ATR: variants seen among roughly 807,000 people sequenced by gnomAD.
ATR encodes the protein ATR checkpoint kinase.
Under a neutral mutation model 305.3 loss-of-function variants are expected in ATR, and 142 were observed. The observed-to-expected ratio is 0.47, with a 90% confidence interval of 0.41 to 0.53. The LOEUF (loss-of-function observed/expected upper bound fraction) is 0.53. Ranked by LOEUF, ATR falls within the 20% of genes least tolerant of loss-of-function variation. The probability of loss-of-function intolerance (pLI) is 0.00; values close to 1 mark genes in which losing one functional copy is unlikely to be tolerated. For missense variants in ATR, 2,135 were observed against 3,133.1 expected (o/e 0.68, Z 7.60); for synonymous variants, 1,050 against 1,068.1 (o/e 0.98, Z 0.33).
intron 1 of ATR, among the ~76,000 whole-genome samples, chr3:142,572,676 G>A (rs2035313493): frequency 6.6e-6 from 1 of 152,034 alleles, no homozygotes; most frequent in South Asian, 2.1e-4. Flanking sequence ...TCAGGAGGCT[G>A]AGGTGGGAGG....
intron 10 of ATR, among the ~76,000 whole-genome samples, chr3:142,554,290 G>A (rs796985614): frequency 3.3e-5 from 5 of 151,790 alleles, no homozygotes; most frequent in African/African-American, 1.2e-4. Context: ...GCATGATCAC[G>A]GCTCACTGCA....
intron 36 of ATR, among the ~76,000 whole-genome samples, chr3:142,473,647 GC>G (rs1397898428): frequency 6.6e-6 from 1 of 151,620 alleles, no homozygotes; most frequent in Non-Finnish European, 1.5e-5. Context: ...CCGGGTTCCA[GC>G]AACTCTCCTG....
chr3:142,574,216 G>A (rs1371156557), intron 1 of ATR, among the ~76,000 whole-genome samples: 1 of 152,144 alleles, frequency 6.6e-6, no homozygotes, highest in Non-Finnish European at 1.5e-5. Context: ...TGTAATCCCA[G>A]CACTTTGGGA....
intron 27 of ATR, among the ~76,000 whole-genome samples, chr3:142,510,434 T>C (rs982286954): frequency 5.9e-5 from 9 of 151,994 alleles, no homozygotes; most frequent in Non-Finnish European, 1.2e-4. Context: ...AACTCCAGCC[T>C]GGGCAACAGA....
chr3:142,456,563 C>A (rs1208138060), intron 45 of ATR, among the ~76,000 whole-genome samples: 1 of 151,778 alleles, frequency 6.6e-6, no homozygotes, highest in Middle Eastern at 3.4e-3. Flanking sequence ...CAGAGCGAAA[C>A]CCTGTCTCAA....
rs201988169 is a variant in ATR at position 142,485,271 on chromosome 3, C to A, written c.6090G>T (p.Ala2030=). Residue 2030 remains alanine (A), a synonymous_variant, in exon 36 of 47, where the codon GCG becomes GCT. Coordinates refer to ENST00000350721, the MANE Select transcript of ATR (RefSeq NM_001184.4). ...AIMKKYKDVT[A]CLPEWEDGHF... ...GCCCATCCTCCCATTCTGGCAGGCA[C>A]GCGGTCACATCCTATAAAAAAGAAC... 6 of 1,614,124 alleles carry A rather than the reference C, an allele frequency of 3.7e-6. No individual in the cohort carries two copies. Among genetic ancestry groups the A allele is most frequent in the Non-Finnish European group, 5.1e-6 (6 of 1,180,004 alleles).
intron 36 of ATR, among the ~76,000 whole-genome samples, chr3:142,481,107 C>T (rs992754516): frequency 6.6e-6 from 1 of 152,244 alleles, no homozygotes; most frequent in Non-Finnish European, 1.5e-5. Context: ...CACCCACTGT[C>T]TGACAAGCCC....
At chr3:142,565,563 A>G (rs147633847) in intron 3 of ATR, among the ~76,000 whole-genome samples, 1 of 151,844 alleles carries the variant, frequency 6.6e-6, no homozygotes, top group South Asian at 2.1e-4. Flanking sequence ...GACAATAAGT[A>G]AAAGAATGAG....
At position 142,561,269 on chromosome 3, in the gene ATR, A is replaced by G; in HGVS notation, c.1323T>C (p.Ser441=). The G allele has an allele frequency of 6.2e-7, 1 of 1,614,024 alleles. No homozygotes were observed. Among genetic ancestry groups the G allele is most frequent in the Non-Finnish European group, 8.5e-7 (1 of 1,179,924 alleles). ...CCTCAGTCTGTTTTGGTGCTCTTTT[A>G]GAAGGGTTTAGAGACGAGCTGAGAC... ...RRRLSSSLNP[S]KRAPKQTEEI... Residue 441 remains serine (S), a synonymous_variant, in exon 5 of 47, where the codon TCT becomes TCC. Coordinates refer to ENST00000350721, the MANE Select transcript of ATR (RefSeq NM_001184.4).
rs140715747 is a variant in ATR, at chr3:142,572,534, A to G, written c.60-4380T>C. The stretch of plus-strand genomic sequence containing the variant: ...ATGCCTGTAATCCCAGTGCTTTGGG[A>G]GTCCAAGGTGGGCAGACTGCTTGAG... On this transcript the variant is annotated intron_variant, in intron 1 of 46. Transcript: ENST00000350721. Among the ~76,000 whole-genome samples, 822 of 152,024 alleles carry G rather than the reference A, an allele frequency of 5.4e-3. 5 individuals carry two copies. The highest frequency in any genetic ancestry group is 9.4e-3 in the Non-Finnish European group (639 of 67,962).
At position 142,482,178 on chromosome 3, in the gene ATR, A is replaced by G. The variant is rs869312488; in HGVS notation, c.6221+2962T>C. On this transcript the variant is annotated intron_variant, in intron 36 of 46. Transcript: ENST00000350721. ...TTATGTACCATTATTTAAATGTTTT[A>G]TGTACTTAAGGTTTCTAACCCTAAT... Among the ~76,000 whole-genome samples, 2 of 152,144 alleles carry G rather than the reference A, an allele frequency of 1.3e-5. No individual in the cohort carries two copies. Among genetic ancestry groups the G allele is most frequent in the Non-Finnish European group, 2.9e-5 (2 of 68,022 alleles).
At position 142,575,484 on chromosome 3, in the gene ATR, A is replaced by G. The variant is rs1205982554; in HGVS notation, c.59+3162T>C. Among the ~76,000 whole-genome samples the G allele has an allele frequency of 2.0e-5, 3 of 148,274 alleles. No homozygotes were observed. The East Asian group carries it at 5.9e-4, about 29-fold the overall frequency. On this transcript the variant is annotated intron_variant, in intron 1 of 46. Coordinates refer to ENST00000350721, the MANE Select transcript of ATR (RefSeq NM_001184.4). ...ACTCCGTCTCAAAAAAAAAAAAAAAAAAGCAGGCTCATTCCCACTTATGGG... is the reference window on the plus strand; with the variant it reads ...ACTCCGTCTCAAAAAAAAAAAAAAAGAAGCAGGCTCATTCCCACTTATGGG...
At chr3:142,480,888 T>C (rs981541967) in intron 36 of ATR, among the ~76,000 whole-genome samples, 9 of 152,194 alleles carry the variant, frequency 5.9e-5, no homozygotes, top group South Asian at 4.1e-4. Context: ...TTCAGAGCCA[T>C]GCACGGGATA....
At chr3:142,463,112 G>A in intron 41 of ATR, among the ~76,000 whole-genome samples, 1 of 152,122 alleles carries the variant, frequency 6.6e-6, no homozygotes, top group Non-Finnish European at 1.5e-5. Context: ...AGATCAGTGT[G>A]TGGCCTCCAA....
At chr3:142,564,178 G>T (rs115161952) in intron 3 of ATR, among the ~76,000 whole-genome samples, 2,987 of 150,468 alleles carry the variant, frequency 0.02, 45 homozygotes, top group Non-Finnish European at 0.03. Flanking sequence ...CACACTTAAG[G>T]TACAACGTAA....
chr3:142,463,968 C>T (rs1177572803), intron 41 of ATR, among the ~76,000 whole-genome samples: 1 of 152,152 alleles, frequency 6.6e-6, no homozygotes, highest in Admixed American at 6.5e-5. Flanking sequence ...AAAAGACATA[C>T]ACTATGCATC....
intron 22 of ATR, 64 bp downstream of exon 22, chr3:142,523,929 A>T (rs1446349091): frequency 6.6e-7 from 1 of 1,506,550 alleles, no homozygotes; most frequent in Admixed American, 1.8e-5. Flanking sequence ...TTCTTTGTAA[A>T]TGAAATATAT....
Position 142,554,190 on chromosome 3 carries a change from T to C in ATR, c.2342-175A>G, listed in dbSNP as rs13070239. 0.34 allele frequency among the ~76,000 whole-genome samples: 51,269 copies of C among 152,022 alleles called. 9,148 individuals carry two copies. Among genetic ancestry groups the C allele is most frequent in the Middle Eastern group, 0.44 (129 of 294 alleles). On this transcript the variant is annotated intron_variant, in intron 10 of 46. Transcript: ENST00000350721. ...AATTTTAGGAAATTAAAATGGATAC[T>C]TATAAATTAAAATTACTTTATATTT... is the stretch of plus-strand genomic sequence containing the variant.
At chr3:142,512,510 A>G in intron 26 of ATR, 40 bp from the exon 27 acceptor site, 1 of 1,446,278 alleles carries the variant, frequency 6.9e-7, no homozygotes, top group Non-Finnish European at 9.4e-7. Context: ...TATCTATATA[A>G]TACCATTTAA....
Sources: gnomAD v4.1 joint callset for allele counts (sites outside exome capture counted in the v4.1 genomes callset) on GRCh38, gnomAD v4.1.1 for gene constraint, MANE v1.5 for transcripts, NCBI Gene and HGNC (gene_info 2026-07-23, HGNC 2026-07-21) for gene names.